The following RAPGEF1 variants were observed in gnomAD, a reference collection of about 807,000 sequenced individuals.
The protein encoded by RAPGEF1 is Rap guanine nucleotide exchange factor 1.
A neutral mutation model predicts 143.3 loss-of-function variants in RAPGEF1; 33 were observed. That is an observed-to-expected ratio of 0.23 (90% confidence interval 0.17 to 0.31). The LOEUF is 0.31. Among genes scored for constraint, RAPGEF1 ranks in the 10% least tolerant of loss-of-function variants. The pLI, the probability that RAPGEF1 is intolerant of heterozygous loss-of-function variation, is 1.00. For synonymous variants in RAPGEF1, 629 were observed against 676.5 expected (o/e 0.93, Z 1.09); for missense variants, 1,199 against 1,645.4 (o/e 0.73, Z 4.69).
intron 1 of RAPGEF1, among the ~76,000 whole-genome samples, chr9:131,723,484 A>G (rs555482509): frequency 3.9e-4 from 60 of 152,188 alleles, no homozygotes; most frequent in African/African-American, 1.4e-3. Context: ...GGTTGCTATA[A>G]TTTTGTCTAG....
rs1462583841 is a variant in RAPGEF1 at position 131,650,253 on chromosome 9, G to A, written c.202-11C>T. The stretch of plus-strand genomic sequence containing the variant: ...TCTGTCTGTTGCCTCCTGGAAGAGA[G>A]GAAACCTGGATTCCTACAGAGTTTG... On this transcript the variant is annotated splice_polypyrimidine_tract_variant and intron_variant, in intron 2 of 26. Transcript: ENST00000683357. The surrounding 1 kb of genome is among the most constrained non-coding windows in gnomAD (Gnocchi z 4.7). The A allele has an allele frequency of 6.3e-7, 1 of 1,592,444 alleles. No individual in the cohort carries two copies. Among genetic ancestry groups the A allele is most frequent in the Admixed American group, 1.7e-5 (1 of 59,456 alleles).
chr9:131,672,697 C>T (rs13299737), intron 1 of RAPGEF1, among the ~76,000 whole-genome samples: 14,454 of 152,180 alleles, frequency 0.095, 1,026 homozygotes, highest in African/African-American at 0.19. Context: ...CCTTTGACTT[C>T]GACAGCAGGG....
chr9:131,622,928 C>T (rs1285419741), intron 10 of RAPGEF1, among the ~76,000 whole-genome samples: 1 of 152,086 alleles, frequency 6.6e-6, no homozygotes, highest in Non-Finnish European at 1.5e-5. Context: ...CCACCGTGTC[C>T]AGCTAATTTT....
chr9:131,579,780 G>A (rs927090544), intron 26 of RAPGEF1, 133 bp from the exon 27 acceptor site: 7 of 933,554 alleles, frequency 7.5e-6, no homozygotes, highest in South Asian at 3.4e-5. Context: ...AGGGGCTACC[G>A]TTGACCAATG....
intron 1 of RAPGEF1, among the ~76,000 whole-genome samples, chr9:131,736,391 G>A (rs1404503594): frequency 6.6e-6 from 1 of 152,168 alleles, no homozygotes; most frequent in Non-Finnish European, 1.5e-5. Flanking sequence ...CCAGCAAGTT[G>A]TCCCTGTGCC....
Position 131,604,965 on chromosome 9 carries a change from A to G in RAPGEF1, c.2285T>C (p.Val762Ala). 7.6e-7 allele frequency: 1 copy of G among 1,317,868 alleles called. No individual in the cohort carries two copies. The highest frequency in any genetic ancestry group is 1.2e-5 in the South Asian group (1 of 82,018). 81.6% of individuals were successfully genotyped at this position (1,317,868 alleles called of 1,614,324 possible). The change falls in exon 13 of 27, where the codon GTC becomes GCC. Residue 762 changes from valine (V) to alanine (A), a missense_variant. By Grantham distance (64) the Val-to-Ala change is moderately conservative. Around this residue, in one of 6 missense-constraint regions of RAPGEF1, gnomAD observed 293 missense variants for 356.2 expected, o/e 0.82. Transcript: ENST00000683357. Reference protein sequence around the residue: ...SQESSFHGNTVCLPSETSFTD... With the variant: ...SQESSFHGNTACLPSETSFTD... Reference sequence around the variant, plus strand: ...GAAAGAGGTTTCGGAAGGAAGGCAGACAGTATTCCCATGAAAGCTGCTCTC... The same window carrying G: ...GAAAGAGGTTTCGGAAGGAAGGCAGGCAGTATTCCCATGAAAGCTGCTCTC...
In RAPGEF1 at chr9:131,584,701, C is replaced by G. The variant is rs986421681; in HGVS notation, c.3234-105G>C. On this transcript the variant is annotated intron_variant, in intron 22 of 26. Coordinates refer to ENST00000683357, the MANE Select transcript of RAPGEF1 (RefSeq NM_001377935.1). The surrounding 1 kb of genome is among the most constrained non-coding windows in gnomAD (Gnocchi z 6.8). ...TGTACGACCCCCATGCCAGTGGCCA[C>G]GAGCCCACCCCTACTGAATACCTGC... is the stretch of plus-strand genomic sequence containing the variant. The G allele has an allele frequency of 9.4e-7, 1 of 1,062,544 alleles. No individual in the cohort carries two copies. The highest frequency in any genetic ancestry group is 1.4e-6 in the Non-Finnish European group (1 of 697,038). The allele number at this position is 1,062,544 out of a possible 1,614,324, so 65.8% of individuals were successfully genotyped here. A position where few individuals can be genotyped will look rare whatever the true frequency, so the allele number is the denominator to read the frequency against.
Position 131,626,406 on chromosome 9 carries a change from G to T in RAPGEF1, c.1218C>A (p.Asp406Glu). ...AGAGGTCTTGCTGGAGGAATTCATA[G>T]TCGGGATCATAGTGGTCTGCAGTTA... ...SCETLDHYDP[D>E]YEFLQQDLSN... Residue 406 changes from aspartate to glutamate, a missense_variant, in exon 10 of 27, where the codon GAC (aspartate) becomes GAA (glutamate). Transcript: ENST00000683357. The T allele has an allele frequency of 6.2e-7, 1 of 1,600,234 alleles. No homozygotes were observed. The highest frequency in any genetic ancestry group is 8.5e-7 in the Non-Finnish European group (1 of 1,170,256).
At chr9:131,703,002 C>T (rs537281164) in intron 1 of RAPGEF1, among the ~76,000 whole-genome samples, 2 of 152,216 alleles carry the variant, frequency 1.3e-5, no homozygotes, top group African/African-American at 2.4e-5. Flanking sequence ...ACACTTTTGC[C>T]GCCTCACTAT....
chr9:131,619,737 G>A (rs941506801), intron 11 of RAPGEF1, among the ~76,000 whole-genome samples: 1 of 152,218 alleles, frequency 6.6e-6, no homozygotes, highest in Admixed American at 6.5e-5. Context: ...GGGATGATAC[G>A]TGTGAAGCAC....
At chr9:131,725,726 T>C (rs1444872571) in intron 1 of RAPGEF1, among the ~76,000 whole-genome samples, 1 of 152,056 alleles carries the variant, frequency 6.6e-6, no homozygotes, top group Non-Finnish European at 1.5e-5. Context: ...GAAATGCCTA[T>C]TCAAGCCCTT....
At position 131,625,495 on chromosome 9, in the gene RAPGEF1, A is replaced by T. The variant is rs1427091750; in HGVS notation, c.1702+427T>A. Among the ~76,000 whole-genome samples the T allele has an allele frequency of 2.0e-5, 3 of 152,262 alleles. No individual in the cohort carries two copies. The South Asian group carries it at 6.2e-4, about 32-fold the overall frequency. On this transcript the variant is annotated intron_variant, in intron 10 of 26. Coordinates refer to ENST00000683357, the MANE Select transcript of RAPGEF1 (RefSeq NM_001377935.1). ...TGAACAGAGACAGTGTGCTCTAGAC[A>T]GGGATCCTTAGACAATCACTCTGTG... is the stretch of plus-strand genomic sequence containing the variant.
Position 131,650,109 on chromosome 9 carries a change from G to A in RAPGEF1, c.315+20C>T. ...AGTAGAAGGCAAGGCAAACCCAATT[G>A]TTCTTAATGTTACACTGACCTTCTG... On this transcript the variant is annotated intron_variant, in intron 3 of 26. Coordinates refer to ENST00000683357, the MANE Select transcript of RAPGEF1 (RefSeq NM_001377935.1). The surrounding 1 kb of genome is among the most constrained non-coding windows in gnomAD (Gnocchi z 4.7). 6.3e-7 allele frequency: 1 copy of A among 1,583,634 alleles called. No individual in the cohort carries two copies. Among genetic ancestry groups the A allele is most frequent in the Non-Finnish European group, 8.7e-7 (1 of 1,154,754 alleles).
chr9:131,660,265 C>T (rs1185150751), intron 1 of RAPGEF1, among the ~76,000 whole-genome samples: 1 of 152,164 alleles, frequency 6.6e-6, no homozygotes, highest in Non-Finnish European at 1.5e-5. Context: ...ATTCCTACTA[C>T]CCAATTGTTC....
At chr9:131,709,488 C>T in intron 1 of RAPGEF1, 2 of 726,790 alleles carry the variant, frequency 2.8e-6, no homozygotes, top group Non-Finnish European at 4.6e-6. Flanking sequence ...TTCTTGAAAT[C>T]ATGTTGGACT....
chr9:131,579,240 A>G lies in RAPGEF1; in HGVS notation c.*257T>C, dbSNP rs987751988. On this transcript the variant is annotated 3_prime_UTR_variant, in exon 27 of 27. Transcript: ENST00000683357. ...AAAGCAGAAAACAAAACCAAACCAG[A>G]AAACCACCGGTTTGTAAATTGGCAA... 3 of 481,506 alleles carry G rather than the reference A, an allele frequency of 6.2e-6. No homozygotes were observed. Among genetic ancestry groups the G allele is most frequent in the African/African-American group, 3.9e-5 (2 of 51,170 alleles). The allele number at this position is 481,506 out of a possible 1,614,324, so 29.8% of individuals were successfully genotyped here.
chr9:131,705,747 G>A (rs534047058), intron 1 of RAPGEF1, among the ~76,000 whole-genome samples: 3 of 152,190 alleles, frequency 2.0e-5, no homozygotes, highest in African/African-American at 4.8e-5. Flanking sequence ...TCCCCTCATC[G>A]GGTATGTGTC....
chr9:131,739,347 G>C (rs1001812270), intron 1 of RAPGEF1, among the ~76,000 whole-genome samples: 2 of 152,196 alleles, frequency 1.3e-5, no homozygotes, highest in Non-Finnish European at 2.9e-5. Flanking sequence ...CTCGAAGCTC[G>C]TTAGAAATGA....
At chr9:131,632,751 G>C (rs1364544546) in intron 5 of RAPGEF1, among the ~76,000 whole-genome samples, 1 of 152,152 alleles carries the variant, frequency 6.6e-6, no homozygotes, top group Non-Finnish European at 1.5e-5. Context: ...GGTTTATATT[G>C]CACGTTTTGT....
Sources: gnomAD v4.1 joint callset for allele counts (sites outside exome capture counted in the v4.1 genomes callset) on GRCh38, gnomAD v4.1.1 for gene constraint, gnomAD v4.1.1 regional missense constraint, Gnocchi (gnomAD v3.1) non-coding constraint, MANE v1.5 for transcripts, NCBI Gene and HGNC (gene_info 2026-07-23, HGNC 2026-07-21) for gene names.